Variants in CADPS observed in about 807,000 individuals in gnomAD.
CADPS encodes calcium-dependent secretion activator 1.
A neutral mutation model predicts 167.3 loss-of-function variants in CADPS; 57 were observed. That is an observed-to-expected ratio of 0.34 (90% CI 0.28 to 0.42). The LOEUF is 0.42. CADPS is among the 20% of genes least tolerant of loss of function. The pLI is 1.00. For synonymous variants in CADPS, 676 were observed against 635.3 expected (o/e 1.06, Z -0.96); for missense variants, 1,414 against 1,738.1 (o/e 0.81, Z 3.32).
chr3:62,608,260 C>T (rs1207150208), intron 6 of CADPS, among the ~76,000 whole-genome samples: 1 of 151,512 alleles, frequency 6.6e-6, no homozygotes, highest in African/African-American at 2.4e-5. Flanking sequence ...TACCAAAAAA[C>T]TGTATGAAAG....
chr3:62,488,737 G>A (rs779773857), intron 21 of CADPS, among the ~76,000 whole-genome samples: 3 of 151,932 alleles, frequency 2.0e-5, no homozygotes, highest in Non-Finnish European at 4.4e-5. Flanking sequence ...TGATCCTCTC[G>A]CCTTGGCCCC....
At position 62,432,327 on chromosome 3, in the gene CADPS, A is replaced by C. The variant is rs777206251; in HGVS notation, c.3777+5777T>G. 3.9e-5 allele frequency among the ~76,000 whole-genome samples: 6 copies of C among 152,294 alleles called. 1 individual carries two copies. In the Middle Eastern group the frequency reaches 0.017, roughly 432 times the overall value. Reference sequence around the variant, plus strand: ...TTAGGGAAGTGAAATAATTGACCCCAGGTTAGAAAGCTCAAAAGTGGCAGA... The same window carrying C: ...TTAGGGAAGTGAAATAATTGACCCCCGGTTAGAAAGCTCAAAAGTGGCAGA... On this transcript the variant is annotated intron_variant, in intron 28 of 29. Coordinates refer to ENST00000383710, the MANE Select transcript of CADPS (RefSeq NM_003716.4).
At chr3:62,730,946 T>C (rs1364456840) in intron 3 of CADPS, among the ~76,000 whole-genome samples, 1 of 152,236 alleles carries the variant, frequency 6.6e-6, no homozygotes, top group Non-Finnish European at 1.5e-5. Flanking sequence ...TAGACCTCTT[T>C]CAAAGACATT....
chr3:62,718,680 G>A (rs1277389483), intron 3 of CADPS, among the ~76,000 whole-genome samples: 1 of 152,230 alleles, frequency 6.6e-6, no homozygotes, highest in Non-Finnish European at 1.5e-5. Context: ...TAAGGTTAAG[G>A]AGATGACACA....
chr3:62,624,874 T>A (rs2063771680), intron 6 of CADPS, among the ~76,000 whole-genome samples: 1 of 152,144 alleles, frequency 6.6e-6, no homozygotes, highest in African/African-American at 2.4e-5. Context: ...TGGTACATGA[T>A]CTTGCCCTCC....
intron 28 of CADPS, among the ~76,000 whole-genome samples, chr3:62,434,476 C>T (rs1375235368): frequency 6.6e-6 from 1 of 152,054 alleles, no homozygotes; most frequent in East Asian, 1.9e-4. Context: ...GCAAAAGCAA[C>T]CCAGTTAGGC....
rs1212196457 is a variant in CADPS, at chr3:62,496,574, T to G, written c.2706+2588A>C. On this transcript the variant is annotated intron_variant, in intron 18 of 29. Transcript: ENST00000383710. ...AACAAAAGAGCCAAGCTTTGTGGAG[T>G]GCTCACTTTGTGCCAGGCATAACAC... Among the ~76,000 whole-genome samples, 4 of 152,210 alleles carry G rather than the reference T, an allele frequency of 2.6e-5. No homozygotes were observed. In the East Asian group the frequency reaches 7.7e-4, roughly 29 times the overall value.
At chr3:62,724,250 T>C (rs1490046810) in intron 3 of CADPS, among the ~76,000 whole-genome samples, 1 of 152,146 alleles carries the variant, frequency 6.6e-6, no homozygotes, top group Non-Finnish European at 1.5e-5. Context: ...CCTCCCTGAT[T>C]TTTTCCTCAT....
chr3:62,841,751 C>T (rs1324504787), intron 1 of CADPS, among the ~76,000 whole-genome samples: 1 of 152,102 alleles, frequency 6.6e-6, no homozygotes, highest in African/African-American at 2.4e-5. Flanking sequence ...ATCCTATGGC[C>T]ACATGACATC....
chr3:62,875,041 G>A lies in CADPS; in HGVS notation c.-12C>T, dbSNP rs756093278. 6 of 1,578,596 alleles carry A rather than the reference G, an allele frequency of 3.8e-6. No individual in the cohort carries two copies. The South Asian group carries it at 5.6e-5, about 15-fold the overall frequency. ...GAAGGGTCCAGCATAGTGGCGCCTG[G>A]GGAGCGGGGTCTCTGGAGCCCCCGG... On this transcript the variant is annotated 5_prime_UTR_variant, in exon 1 of 30. Coordinates refer to ENST00000383710, the MANE Select transcript of CADPS (RefSeq NM_003716.4).
intron 1 of CADPS, among the ~76,000 whole-genome samples, chr3:62,804,729 G>T (rs985130529): frequency 2.0e-5 from 3 of 151,824 alleles, no homozygotes; most frequent in Non-Finnish European, 4.4e-5. Flanking sequence ...ATATTGGGAG[G>T]CTGTAGTTCA....
intron 24 of CADPS, among the ~76,000 whole-genome samples, chr3:62,468,975 G>A (rs1032016080): frequency 6.6e-6 from 1 of 152,102 alleles, no homozygotes; most frequent in Non-Finnish European, 1.5e-5. Flanking sequence ...AAACTGAGAG[G>A]TGCTATGTGG....
intron 27 of CADPS, among the ~76,000 whole-genome samples, chr3:62,444,560 G>T (rs1262910816): frequency 6.6e-6 from 1 of 152,208 alleles, no homozygotes; most frequent in East Asian, 1.9e-4. Flanking sequence ...TCTCCCTGCT[G>T]CAGTTATGTG....
chr3:62,497,430 G>A (rs942487581), intron 18 of CADPS, among the ~76,000 whole-genome samples: 2 of 152,200 alleles, frequency 1.3e-5, no homozygotes, highest in Non-Finnish European at 2.9e-5. Flanking sequence ...GCCCCTCCAT[G>A]CCTCTGGAGA....
chr3:62,850,965 G>T (rs2078436423), intron 1 of CADPS, among the ~76,000 whole-genome samples: 1 of 149,940 alleles, frequency 6.7e-6, no homozygotes. Flanking sequence ...CTCCTGTATT[G>T]GGTGCATATA....
chr3:62,627,671 T>C (rs2064360680), intron 6 of CADPS, among the ~76,000 whole-genome samples: 4 of 152,172 alleles, frequency 2.6e-5, no homozygotes, highest in Admixed American at 2.0e-4. Flanking sequence ...ACATTACTTA[T>C]GCTCACCTCC....
At chr3:62,618,642 C>G (rs1488375459) in intron 6 of CADPS, among the ~76,000 whole-genome samples, 1 of 152,136 alleles carries the variant, frequency 6.6e-6, no homozygotes, top group Non-Finnish European at 1.5e-5. Flanking sequence ...GCTTTCCTTC[C>G]TTTCAGATGC....
At chr3:62,561,819 A>G (rs1476562806) in intron 9 of CADPS, among the ~76,000 whole-genome samples, 1 of 152,176 alleles carries the variant, frequency 6.6e-6, no homozygotes, top group East Asian at 1.9e-4. Flanking sequence ...TGCTTTTACC[A>G]TCATTCTTTG....
intron 2 of CADPS, among the ~76,000 whole-genome samples, chr3:62,761,957 G>C (rs1020893216): frequency 6.6e-6 from 1 of 152,134 alleles, no homozygotes; most frequent in East Asian, 1.9e-4. Flanking sequence ...CATCAGGAAA[G>C]GACAAAAATA....
Sources: allele counts gnomAD v4.1 joint callset (sites outside exome capture counted in the v4.1 genomes callset), GRCh38; gene constraint gnomAD v4.1.1; transcripts MANE v1.5; gene names NCBI Gene and HGNC (gene_info 2026-07-23, HGNC 2026-07-21).